The following SHISA9 variants were observed in gnomAD, a reference collection of about 807,000 sequenced individuals.
SHISA9 encodes shisa family member 9, also known as protein shisa-9.
Under a neutral mutation model 38.0 loss-of-function variants are expected in SHISA9, and 13 were observed. The ratio of observed to expected loss-of-function variants is 0.34; its 90% CI spans 0.22 to 0.54. The LOEUF is 0.54. Ranked by LOEUF, SHISA9 falls within the 20% of genes least tolerant of loss-of-function variation. SHISA9 has a pLI of 0.91. For synonymous variants in SHISA9, 275 were observed against 242.0 expected (o/e 1.14, Z -1.27); for missense variants, 538 against 575.8 (o/e 0.93, Z 0.67).
the SHISA9 span, among the ~76,000 whole-genome samples, chr16:13,285,462 G>GTTTTTTTTTTTTTTTTTTTTTTT: frequency 1.0e-5 from 1 of 95,788 alleles, no homozygotes; most frequent in African/African-American, 4.2e-5. Context: ...TTCAGGTGTA[G>GTTTTTTTTTTTTTTTTTTTTTTT]TTTTTTTTTT....
intron 2 of SHISA9, among the ~76,000 whole-genome samples, chr16:13,015,856 T>TTC (rs1187140353): frequency 3.3e-5 from 1 of 30,010 alleles, no homozygotes; most frequent in African/African-American, 1.4e-4. Flanking sequence ...TTCTTTCCCT[T>TTC]TCTTTCTTTC....
chr16:13,371,017 A>T, the SHISA9 span, among the ~76,000 whole-genome samples: 1 of 152,190 alleles, frequency 6.6e-6, no homozygotes, highest in East Asian at 1.9e-4. Context: ...TTTTACTCTA[A>T]GTATGTTCCT....
chr16:13,444,729 C>G, the SHISA9 span, among the ~76,000 whole-genome samples: 1 of 151,804 alleles, frequency 6.6e-6, no homozygotes, highest in African/African-American at 2.4e-5. Flanking sequence ...TTCAGTGCCA[C>G]CATGTCTCCT....
the SHISA9 span, among the ~76,000 whole-genome samples, chr16:13,511,749 C>A: frequency 6.6e-6 from 1 of 151,790 alleles, no homozygotes; most frequent in Admixed American, 6.6e-5. Context: ...AAGATAACTG[C>A]AGTTCACAGG....
the SHISA9 span, among the ~76,000 whole-genome samples, chr16:13,437,340 G>A: frequency 6.6e-6 from 1 of 152,290 alleles, no homozygotes; most frequent in East Asian, 1.9e-4. Context: ...TTTCTGTGAT[G>A]ATGATGGTTA....
At chr16:12,941,749 G>T (rs148623440) in intron 2 of SHISA9, among the ~76,000 whole-genome samples, 1 of 152,282 alleles carries the variant, frequency 6.6e-6, no homozygotes, top group African/African-American at 2.4e-5. Context: ...TACTTGGGAG[G>T]CTGAGGCAGA....
chr16:13,123,126 T>C (rs1056995052), intron 2 of SHISA9, among the ~76,000 whole-genome samples: 5 of 152,204 alleles, frequency 3.3e-5, no homozygotes, highest in African/African-American at 1.2e-4. Flanking sequence ...ATAAACAGGA[T>C]AGAACTAGGA....
intron 2 of SHISA9, among the ~76,000 whole-genome samples, chr16:13,122,515 G>T (rs1337885038): frequency 1.3e-5 from 2 of 152,188 alleles, no homozygotes; most frequent in East Asian, 3.9e-4. Context: ...CTCGAGAACA[G>T]GTTGCAAAAG....
intron 1 of SHISA9, 53 bp from the exon 2 acceptor site, chr16:12,916,635 G>A: frequency 6.5e-7 from 1 of 1,530,546 alleles, no homozygotes; most frequent in South Asian, 1.2e-5. Flanking sequence ...GCGCATAGCA[G>A]CTGCCAGTCA....
chr16:13,231,977 T>C (rs2051335784), intron 4 of SHISA9, among the ~76,000 whole-genome samples: 2 of 152,224 alleles, frequency 1.3e-5, no homozygotes, highest in African/African-American at 4.8e-5. Flanking sequence ...ATAGTCCCCA[T>C]CTTTTCCACC....
chr16:13,390,709 C>A, the SHISA9 span, among the ~76,000 whole-genome samples: 1 of 152,182 alleles, frequency 6.6e-6, no homozygotes, highest in Non-Finnish European at 1.5e-5. Context: ...TTATGATTCC[C>A]CACATTTGTG....
the SHISA9 span, among the ~76,000 whole-genome samples, chr16:13,344,957 C>T: frequency 2.0e-5 from 3 of 152,082 alleles, no homozygotes; most frequent in African/African-American, 7.2e-5. Flanking sequence ...ACTGAGTCTC[C>T]AAGGGCCTGC....
At chr16:13,250,185 A>C in the SHISA9 span, among the ~76,000 whole-genome samples, 1 of 152,218 alleles carries the variant, frequency 6.6e-6, no homozygotes, top group Non-Finnish European at 1.5e-5. Flanking sequence ...TGCAAAGCAC[A>C]TAAAGTTCTG....
chr16:12,909,617 C>G (rs2071152883), intron 1 of SHISA9: 3 of 984,934 alleles, frequency 3.0e-6, no homozygotes, highest in Non-Finnish European at 3.6e-6. Context: ...TGTGGCTGGT[C>G]CCTCCTCATC....
At chr16:13,190,164 T>C (rs1423467126) in intron 2 of SHISA9, among the ~76,000 whole-genome samples, 1 of 151,922 alleles carries the variant, frequency 6.6e-6, no homozygotes, top group Non-Finnish European at 1.5e-5. Context: ...TGTGCCATGC[T>C]GGTGCGCTGC....
intron 2 of SHISA9, among the ~76,000 whole-genome samples, chr16:12,952,862 C>T (rs536956475): frequency 7.2e-5 from 11 of 152,124 alleles, no homozygotes; most frequent in Non-Finnish European, 1.5e-4. Flanking sequence ...ACTGTGAGAA[C>T]AACTAATACA....
the SHISA9 span, among the ~76,000 whole-genome samples, chr16:13,407,475 A>G: frequency 6.6e-6 from 1 of 152,164 alleles, no homozygotes; most frequent in East Asian, 1.9e-4. Context: ...TCCAAATACC[A>G]TCACACTGGC....
chr16:12,908,881 C>T, intron 1 of SHISA9: 2 of 1,071,062 alleles, frequency 1.9e-6, no homozygotes, highest in Non-Finnish European at 2.3e-6. Flanking sequence ...TGTCCACCTT[C>T]AAACAGAATT....
At chr16:13,115,531 A>T (rs993847877) in intron 2 of SHISA9, among the ~76,000 whole-genome samples, 1 of 152,212 alleles carries the variant, frequency 6.6e-6, no homozygotes, top group Non-Finnish European at 1.5e-5. Context: ...TGGGCGGGCC[A>T]GGTGTTCCTT....
Sources: allele counts gnomAD v4.1 joint callset (sites outside exome capture counted in the v4.1 genomes callset), GRCh38; gene constraint gnomAD v4.1.1; transcripts MANE v1.5; gene names NCBI Gene and HGNC (gene_info 2026-07-23, HGNC 2026-07-21).